AUTS2: variants seen among roughly 807,000 people sequenced by gnomAD.
AUTS2 encodes the protein activator of transcription and developmental regulator AUTS2, also known as autism susceptibility gene 2 protein.
Under a neutral mutation model 112.4 loss-of-function variants are expected in AUTS2, and 17 were observed. That is an observed-to-expected ratio of 0.15 (90% CI 0.10 to 0.23). AUTS2 has a LOEUF of 0.23. AUTS2 is among the 10% of genes least tolerant of loss of function. AUTS2 has a pLI of 1.00. For missense variants in AUTS2, 1,510 were observed against 1,701.6 expected (o/e 0.89, Z 1.98); for synonymous variants, 751 against 702.7 (o/e 1.07, Z -1.09).
chr7:70,176,441 G>C lies in AUTS2; in HGVS notation c.660+41870G>C, dbSNP rs568797448. ...CTCTAGAGACAGTCTTTAACTTTTT[G>C]GTATTTGGTTTCTTCTTTTGTGCAA... On this transcript the variant is annotated intron_variant, in intron 4 of 18. Transcript: ENST00000342771. 4.6e-4 allele frequency among the ~76,000 whole-genome samples: 70 copies of C among 152,124 alleles called. 1 individual carries two copies. The highest frequency in any genetic ancestry group is 1.5e-3 in the African/African-American group (62 of 41,514).
intron 5 of AUTS2, among the ~76,000 whole-genome samples, chr7:70,569,665 A>G (rs1801856358): frequency 6.6e-6 from 1 of 152,228 alleles, no homozygotes; most frequent in African/African-American, 2.4e-5. Context: ...TGTCAGATAC[A>G]GATAGTAGGC....
At chr7:69,788,141 C>T (rs902314817) in intron 1 of AUTS2, among the ~76,000 whole-genome samples, 3 of 152,086 alleles carry the variant, frequency 2.0e-5, no homozygotes, top group African/African-American at 7.2e-5. Context: ...TGTTACCCCA[C>T]CCCACCCCAC....
At chr7:70,464,148 T>C (rs541032280) in intron 5 of AUTS2, among the ~76,000 whole-genome samples, 1 of 152,338 alleles carries the variant, frequency 6.6e-6, no homozygotes, top group African/African-American at 2.4e-5. Flanking sequence ...TTCTTGTCTC[T>C]TCACCATCTA....
At chr7:70,503,947 G>T (rs894041677) in intron 5 of AUTS2, among the ~76,000 whole-genome samples, 1 of 151,474 alleles carries the variant, frequency 6.6e-6, no homozygotes, top group East Asian at 1.9e-4. Context: ...TCTCCCCTCC[G>T]CTCAAGATTT....
intron 2 of AUTS2, among the ~76,000 whole-genome samples, chr7:69,955,443 G>A (rs540575858): frequency 2.0e-5 from 3 of 152,168 alleles, no homozygotes; most frequent in East Asian, 3.9e-4. Context: ...ATCTCAGTAG[G>A]GAAGGCACCA....
At chr7:70,067,617 G>T (rs1206072823) in intron 2 of AUTS2, among the ~76,000 whole-genome samples, 1 of 152,146 alleles carries the variant, frequency 6.6e-6, no homozygotes, top group African/African-American at 2.4e-5. Flanking sequence ...AGTTCAAGGT[G>T]GGAGCATCGC....
At chr7:70,616,902 T>C (rs1463181787) in intron 5 of AUTS2, among the ~76,000 whole-genome samples, 3 of 152,030 alleles carry the variant, frequency 2.0e-5, no homozygotes, top group Non-Finnish European at 4.4e-5. Flanking sequence ...AGAAGAATTT[T>C]CATTAGCAGA....
intron 4 of AUTS2, chr7:70,292,077 A>G (rs915996659): frequency 3.3e-5 from 5 of 152,156 alleles, no homozygotes; most frequent in Admixed American, 6.6e-5. Context: ...GATTTTGTGG[A>G]CCTACTGGTA....
chr7:70,190,987 A>G (rs1038972567), intron 4 of AUTS2, among the ~76,000 whole-genome samples: 1 of 152,050 alleles, frequency 6.6e-6, no homozygotes, highest in Non-Finnish European at 1.5e-5. Context: ...TAGGTAATAG[A>G]CCCTGAGATA....
intron 2 of AUTS2, among the ~76,000 whole-genome samples, chr7:70,022,172 T>A (rs976541118): frequency 1.3e-5 from 2 of 150,632 alleles, no homozygotes; most frequent in African/African-American, 4.9e-5. Context: ...AGGAGAGAGT[T>A]GTTAGTAACT....
chr7:69,967,605 C>T (rs1231800072), intron 2 of AUTS2, among the ~76,000 whole-genome samples: 1 of 152,110 alleles, frequency 6.6e-6, no homozygotes, highest in African/African-American at 2.4e-5. Context: ...CCTTTTATTC[C>T]TCCTGTCTTT....
At chr7:69,727,401 C>A (rs1008426226) in intron 1 of AUTS2, among the ~76,000 whole-genome samples, 1 of 151,780 alleles carries the variant, frequency 6.6e-6, no homozygotes, top group Non-Finnish European at 1.5e-5. Flanking sequence ...ACCAGCCTGG[C>A]CAATATGGTG....
At chr7:70,094,919 T>C (rs950007225) in intron 2 of AUTS2, among the ~76,000 whole-genome samples, 1 of 152,172 alleles carries the variant, frequency 6.6e-6, no homozygotes, top group East Asian at 1.9e-4. Flanking sequence ...CCTTCTCCCC[T>C]GGTTGCAGTT....
intron 2 of AUTS2, among the ~76,000 whole-genome samples, chr7:70,039,903 T>G (rs1352575335): frequency 6.6e-6 from 1 of 152,196 alleles, no homozygotes; most frequent in Non-Finnish European, 1.5e-5. Flanking sequence ...CAGAGAAACA[T>G]ACATTCATTC....
intron 2 of AUTS2, among the ~76,000 whole-genome samples, chr7:69,905,580 A>T (rs1475687160): frequency 2.6e-5 from 4 of 152,032 alleles, no homozygotes; most frequent in African/African-American, 9.7e-5. Flanking sequence ...GAGAGAGACC[A>T]TTTCGCCTTT....
chr7:70,181,771 G>A (rs1199396001), intron 4 of AUTS2, among the ~76,000 whole-genome samples: 2 of 148,816 alleles, frequency 1.3e-5, no homozygotes, highest in Admixed American at 6.8e-5. Context: ...TTACAGGCGT[G>A]AGCCACCAAG....
At chr7:69,650,026 T>A (rs1197542569) in intron 1 of AUTS2, among the ~76,000 whole-genome samples, 1 of 152,238 alleles carries the variant, frequency 6.6e-6, no homozygotes, top group African/African-American at 2.4e-5. Flanking sequence ...GCCAGTTGTT[T>A]TGTTACACTG....
chr7:69,980,887 G>T (rs1232233403), intron 2 of AUTS2, among the ~76,000 whole-genome samples: 1 of 152,148 alleles, frequency 6.6e-6, no homozygotes. Flanking sequence ...TGTTCCAATT[G>T]TTCTTTCTTG....
At position 70,764,567 on chromosome 7, in the gene AUTS2, C is replaced by T. The variant is rs545442161; in HGVS notation, c.1215-185C>T. On this transcript the variant is annotated intron_variant, in intron 7 of 18. Transcript: ENST00000342771. Reference sequence around the variant, plus strand: ...TTTCGGTTTGCTCTGTCTGCAGTAGCGATGGGAAAGTTTGCAGGAGTTGTG... The same window carrying T: ...TTTCGGTTTGCTCTGTCTGCAGTAGTGATGGGAAAGTTTGCAGGAGTTGTG... 1.3e-3 allele frequency among the ~76,000 whole-genome samples: 197 copies of T among 151,848 alleles called. 1 individual carries two copies. Among genetic ancestry groups the T allele is most frequent in the African/African-American group, 4.5e-3 (186 of 41,380 alleles).
Sources: allele counts gnomAD v4.1 joint callset (sites outside exome capture counted in the v4.1 genomes callset), GRCh38; gene constraint gnomAD v4.1.1; transcripts MANE v1.5; gene names NCBI Gene and HGNC (gene_info 2026-07-23, HGNC 2026-07-21).